The following UNC79 variants were observed in gnomAD, a reference collection of about 807,000 sequenced individuals.
UNC79 encodes protein unc-79 homolog.
A neutral mutation model predicts 283.1 loss-of-function variants in UNC79; 37 were observed. The ratio of observed to expected loss-of-function variants is 0.13; its 90% CI spans 0.10 to 0.17. The LOEUF (loss-of-function observed/expected upper bound fraction) is 0.17. UNC79 is among the 10% of genes least tolerant of loss of function. The pLI is 1.00. For missense variants in UNC79, 2,272 were observed against 3,211.1 expected, an observed-to-expected ratio of 0.71 and a Z score of 7.07; for synonymous variants, 1,107 against 1,200.2, an observed-to-expected ratio of 0.92 and a Z score of 1.61.
intron 1 of UNC79, among the ~76,000 whole-genome samples, chr14:93,459,722 C>T (rs375857215): frequency 8.6e-6 from 1 of 116,920 alleles, no homozygotes; most frequent in African/African-American, 3.4e-5. Flanking sequence ...CCAAGCTGGA[C>T]TGCAGTGGCG....
chr14:93,626,798 G>A (rs2067604547), intron 30 of UNC79, among the ~76,000 whole-genome samples: 1 of 152,116 alleles, frequency 6.6e-6, no homozygotes, highest in Non-Finnish European at 1.5e-5. Flanking sequence ...ACAAACATTA[G>A]TATAGAGTTT....
intron 24 of UNC79, among the ~76,000 whole-genome samples, chr14:93,597,926 T>C (rs898320586): frequency 4.6e-5 from 7 of 152,196 alleles, no homozygotes; most frequent in African/African-American, 1.2e-4. Flanking sequence ...ATATTGACGA[T>C]GATGATGGAG....
intron 20 of UNC79, 86 bp from the exon 21 acceptor site, chr14:93,586,510 T>C (rs1244141986): frequency 4.8e-6 from 6 of 1,258,994 alleles, no homozygotes; most frequent in Non-Finnish European, 6.7e-6. Context: ...TTTTTACTCT[T>C]CTTGGTTTTT....
chr14:93,339,494 T>G (rs1168743232), intron 1 of UNC79, among the ~76,000 whole-genome samples: 1 of 152,130 alleles, frequency 6.6e-6, no homozygotes, highest in Non-Finnish European at 1.5e-5. Flanking sequence ...AGAGACGGGA[T>G]TTCACCATGT....
chr14:93,507,534 T>G (rs1257057730), intron 7 of UNC79, among the ~76,000 whole-genome samples: 1 of 152,190 alleles, frequency 6.6e-6, no homozygotes, highest in Non-Finnish European at 1.5e-5. Flanking sequence ...CCTGAGAAAG[T>G]CTTTTACCAA....
In UNC79 at chr14:93,469,450, A is replaced by G. The variant is rs185538914; in HGVS notation, c.143+1659A>G. Among the ~76,000 whole-genome samples, 236 of 152,206 alleles carry G rather than the reference A, an allele frequency of 1.6e-3. 1 individual carries two copies. The highest frequency in any genetic ancestry group is 2.5e-3 in the Non-Finnish European group (171 of 68,016). ...ACTGTTGATATGTACATCTATAACA[A>G]TCGTATTTGTACTTCTTCATTTTAT... On this transcript the variant is annotated intron_variant, in intron 2 of 48. Transcript: ENST00000555664.
chr14:93,472,442 A>T (rs1016672054), intron 2 of UNC79, among the ~76,000 whole-genome samples: 2 of 138,930 alleles, frequency 1.4e-5, no homozygotes, highest in African/African-American at 5.4e-5. Flanking sequence ...TACATCACAC[A>T]CAAAAAGGTA....
chr14:93,580,349 A>T, exon 19 of UNC79: 1 of 1,614,030 alleles, frequency 6.2e-7, no homozygotes, highest in Non-Finnish European at 8.5e-7. Context: ...TGGAGAGACT[A>T]GCTCCTAAAG....
chr14:93,550,214 G>A (rs1161598470), intron 14 of UNC79, among the ~76,000 whole-genome samples: 1 of 152,130 alleles, frequency 6.6e-6, no homozygotes, highest in African/African-American at 2.4e-5. Context: ...TTTCCATACA[G>A]CTAGTTTTCG....
intron 1 of UNC79, among the ~76,000 whole-genome samples, chr14:93,389,045 C>A (rs1484857061): frequency 6.6e-6 from 1 of 152,090 alleles, no homozygotes; most frequent in Admixed American, 6.6e-5. Flanking sequence ...GCTTCAGATT[C>A]TCAGGAGAGA....
chr14:93,636,195 G>A (rs1383396849), intron 31 of UNC79, among the ~76,000 whole-genome samples: 4 of 152,088 alleles, frequency 2.6e-5, no homozygotes, highest in Admixed American at 6.5e-5. Context: ...CCCATTTAAC[G>A]GAATTTTTCA....
intron 7 of UNC79, among the ~76,000 whole-genome samples, chr14:93,505,978 A>G (rs147184676): frequency 9.4e-4 from 143 of 151,806 alleles, no homozygotes; most frequent in Middle Eastern, 6.8e-3. Flanking sequence ...ATATATACAT[A>G]TTATATATTC....
chr14:93,654,226 C>T (rs544087189), intron 37 of UNC79, among the ~76,000 whole-genome samples: 1 of 152,258 alleles, frequency 6.6e-6, no homozygotes. Context: ...TGCAGTGGCT[C>T]ATGCCTATAA....
chr14:93,529,748 T>TG (rs943432570), intron 10 of UNC79, among the ~76,000 whole-genome samples: 8 of 151,972 alleles, frequency 5.3e-5, no homozygotes, highest in African/African-American at 1.5e-4. Context: ...TACCATGTTG[T>TG]GGGGGGGAAA....
intron 2 of UNC79, among the ~76,000 whole-genome samples, chr14:93,472,155 C>T (rs549161715): frequency 5.4e-4 from 82 of 151,904 alleles, no homozygotes; most frequent in Non-Finnish European, 7.5e-4. Context: ...AATTTAGGGC[C>T]GAAGTTTGGG....
Position 93,654,593 on chromosome 14 carries a change from A to G in UNC79, c.6282+568A>G, listed in dbSNP as rs143215609. On this transcript the variant is annotated intron_variant, in intron 37 of 48. Coordinates refer to ENST00000555664, the Ensembl canonical transcript of UNC79. ...TAATTTAAATTTTAAAAATTAACAT[A>G]ATTTAAATTTTAAAAATTAACATAA... Among the ~76,000 whole-genome samples, 743 of 152,006 alleles carry G rather than the reference A, an allele frequency of 4.9e-3. 5 individuals are homozygous for G. The highest frequency in any genetic ancestry group is 7.6e-3 in the Non-Finnish European group (517 of 68,012).
intron 27 of UNC79, among the ~76,000 whole-genome samples, chr14:93,614,779 A>G (rs1223675859): frequency 6.6e-6 from 1 of 152,094 alleles, no homozygotes; most frequent in Non-Finnish European, 1.5e-5. Flanking sequence ...ATTGCATGCC[A>G]TGGTGGACAG....
At chr14:93,571,588 T>C (rs770656195) in intron 14 of UNC79, among the ~76,000 whole-genome samples, 2 of 152,248 alleles carry the variant, frequency 1.3e-5, no homozygotes, top group Non-Finnish European at 1.5e-5. Context: ...ATGCTCATCC[T>C]GTTGGGAATA....
intron 8 of UNC79, among the ~76,000 whole-genome samples, chr14:93,527,397 AG>A (rs972957201): frequency 8.5e-5 from 13 of 152,392 alleles, no homozygotes; most frequent in Admixed American, 6.5e-4. Context: ...TTACAAAAAA[AG>A]TTTGCCAATC....
Sources: gnomAD v4.1 joint callset for allele counts (sites outside exome capture counted in the v4.1 genomes callset) on GRCh38, gnomAD v4.1.1 for gene constraint, MANE v1.5 for transcripts, NCBI Gene and HGNC (gene_info 2026-07-23, HGNC 2026-07-21) for gene names.